SEPTIN7: variants seen among roughly 807,000 people sequenced by gnomAD.
SEPTIN7 encodes septin-7.
Under a neutral mutation model 63.3 loss-of-function variants are expected in SEPTIN7, and 10 were observed. The ratio of observed to expected loss-of-function variants is 0.16; its 90% confidence interval spans 0.10 to 0.27. The LOEUF (loss-of-function observed/expected upper bound fraction) is 0.27, where lower values mean the gene tolerates loss of function less well. Among genes scored for constraint, SEPTIN7 ranks in the 10% least tolerant of loss-of-function variants. SEPTIN7 has a pLI of 1.00. For missense variants in SEPTIN7, 310 were observed against 521.0 expected (o/e 0.59, Z 3.94); for synonymous variants, 131 against 165.3 (o/e 0.79, Z 1.59).
At chr7:35,804,827 CTTTTTTTGTTTTTTTTTTT>C (rs1788220076) in intron 1 of SEPTIN7, among the ~76,000 whole-genome samples, 2 of 123,640 alleles carry the variant, frequency 1.6e-5, no homozygotes, top group East Asian at 4.3e-4. Flanking sequence ...AAGCGTGTTT[CTTTTTTTGTTTTTTTTTTT>C]TTTTTTTGAG....
intron 1 of SEPTIN7, among the ~76,000 whole-genome samples, chr7:35,811,068 C>T (rs183829020): frequency 5.9e-5 from 9 of 152,200 alleles, no homozygotes; most frequent in Admixed American, 3.9e-4. Context: ...TGTGCCCAGC[C>T]GAGTTCTTTC....
intron 4 of SEPTIN7, 104 bp downstream of exon 4, chr7:35,863,762 T>A (rs1339691855): frequency 8.8e-6 from 5 of 565,272 alleles, no homozygotes; most frequent in Non-Finnish European, 1.2e-5. Flanking sequence ...AGATGCAAAT[T>A]TGTCCTTAGC....
chr7:35,830,350 C>A (rs1173324703), intron 1 of SEPTIN7, among the ~76,000 whole-genome samples: 1 of 152,050 alleles, frequency 6.6e-6, no homozygotes, highest in Non-Finnish European at 1.5e-5. Flanking sequence ...AAGAGTAGAG[C>A]CAGATCTTGC....
At chr7:35,818,506 T>A (rs1789225350) in intron 1 of SEPTIN7, among the ~76,000 whole-genome samples, 1 of 152,072 alleles carries the variant, frequency 6.6e-6, no homozygotes, top group Non-Finnish European at 1.5e-5. Flanking sequence ...CTCTTCTATT[T>A]CTTGGACTAG....
chr7:35,802,817 G>T (rs1412223279), intron 1 of SEPTIN7, among the ~76,000 whole-genome samples: 1 of 152,112 alleles, frequency 6.6e-6, no homozygotes, highest in East Asian at 1.9e-4. Flanking sequence ...GTGATGGGGG[G>T]GTGGTACGGT....
At chr7:35,813,490 T>C (rs935726913) in intron 1 of SEPTIN7, among the ~76,000 whole-genome samples, 7 of 152,084 alleles carry the variant, frequency 4.6e-5, no homozygotes, top group Non-Finnish European at 8.8e-5. Context: ...GTTCAGCTGC[T>C]GGCCTCCCCA....
chr7:35,829,006 T>TCCATATACTTC (rs1270154928), intron 1 of SEPTIN7, among the ~76,000 whole-genome samples: 11 of 151,972 alleles, frequency 7.2e-5, no homozygotes, highest in Admixed American at 7.2e-4. Context: ...TAAAATAACA[T>TCCATATACTTC]CCATATACTT....
At chr7:35,815,445 A>G (rs1294572298) in intron 1 of SEPTIN7, among the ~76,000 whole-genome samples, 1 of 152,238 alleles carries the variant, frequency 6.6e-6, no homozygotes, top group Non-Finnish European at 1.5e-5. Context: ...ATTCCAATCT[A>G]TTAATGCAGA....
At chr7:35,914,765 C>T in the SEPTIN7 span, among the ~76,000 whole-genome samples, 1 of 151,744 alleles carries the variant, frequency 6.6e-6, no homozygotes, top group African/African-American at 2.4e-5. Context: ...CAATTCCTTA[C>T]AATAAATCTC....
chr7:35,912,701 C>T, the SEPTIN7 span, among the ~76,000 whole-genome samples: 9 of 152,236 alleles, frequency 5.9e-5, no homozygotes, highest in African/African-American at 1.7e-4. Context: ...AAAAGAGACA[C>T]AGGTACTAGC....
intron 3 of SEPTIN7, among the ~76,000 whole-genome samples, chr7:35,848,518 T>A (rs1298467968): frequency 6.6e-6 from 1 of 151,978 alleles, no homozygotes; most frequent in African/African-American, 2.4e-5. Flanking sequence ...GATCCACCCA[T>A]TTTTAAGGAG....
chr7:35,830,563 G>A (rs1013607895), intron 1 of SEPTIN7, among the ~76,000 whole-genome samples: 3 of 152,116 alleles, frequency 2.0e-5, no homozygotes, highest in African/African-American at 4.8e-5. Context: ...GCCATCATTG[G>A]GACTTCGGCT....
intron 3 of SEPTIN7, among the ~76,000 whole-genome samples, chr7:35,854,120 C>CATCA (rs1785086230): frequency 6.6e-6 from 1 of 152,114 alleles, no homozygotes; most frequent in Admixed American, 6.5e-5. Flanking sequence ...GGATGCTGAA[C>CATCA]TGATGAGCAA....
chr7:35,820,263 T>C (rs553919980), intron 1 of SEPTIN7, among the ~76,000 whole-genome samples: 30 of 152,158 alleles, frequency 2.0e-4, no homozygotes, highest in Non-Finnish European at 4.3e-4. Context: ...ATTCAGTTTG[T>C]TGAGCTTTGA....
chr7:35,880,157 T>C (rs1428876724), intron 7 of SEPTIN7, among the ~76,000 whole-genome samples: 4 of 151,538 alleles, frequency 2.6e-5, no homozygotes, highest in Admixed American at 2.0e-4. Flanking sequence ...ACAGACAATT[T>C]CTCCCCATAC....
At chr7:35,870,961 T>C (rs1786110024) in intron 4 of SEPTIN7, among the ~76,000 whole-genome samples, 1 of 152,170 alleles carries the variant, frequency 6.6e-6, no homozygotes, top group South Asian at 2.1e-4. Context: ...ATCTTAGTTG[T>C]GTGGTATGTG....
chr7:35,874,043 A>G lies in SEPTIN7; in HGVS notation c.512+268A>G, dbSNP rs888185757. ...GTTGCCACCATGGTTTGAGGTCTCA[A>G]TGTGGCAAATTTAGCTTTCATGTTG... On this transcript the variant is annotated intron_variant, in intron 6 of 13. Coordinates refer to ENST00000350320, the MANE Select transcript of SEPTIN7 (RefSeq NM_001788.6). 5.2e-5 allele frequency: 16 copies of G among 308,978 alleles called. No individual in the cohort carries two copies. In the Admixed American group the frequency reaches 5.3e-4, roughly 10 times the overall value. The allele number at this position is 308,978 out of a possible 1,614,324, so 19.1% of individuals were successfully genotyped here.
intron 3 of SEPTIN7, among the ~76,000 whole-genome samples, chr7:35,850,658 G>C (rs1334111431): frequency 6.6e-6 from 1 of 152,078 alleles, no homozygotes; most frequent in Non-Finnish European, 1.5e-5. Flanking sequence ...TTCCAGGCTG[G>C]TGTGATTTCT....
intron 3 of SEPTIN7, among the ~76,000 whole-genome samples, chr7:35,844,050 T>G (rs1334785771): frequency 3.3e-5 from 5 of 152,204 alleles, no homozygotes; most frequent in African/African-American, 9.6e-5. Context: ...TTGTCCTGGT[T>G]CAGAGGGTAA....
Sources: gnomAD v4.1 joint callset for allele counts (sites outside exome capture counted in the v4.1 genomes callset) on GRCh38, gnomAD v4.1.1 for gene constraint, MANE v1.5 for transcripts, NCBI Gene and HGNC (gene_info 2026-07-23, HGNC 2026-07-21) for gene names.